ANKRD28: variants seen among roughly 807,000 people sequenced by gnomAD.
The protein encoded by ANKRD28 is ankyrin repeat domain 28.
ANKRD28 carries 44 observed loss-of-function variants against 126.5 expected under a neutral mutation model. The observed-to-expected ratio is 0.35, with a 90% confidence interval of 0.27 to 0.45. The LOEUF (loss-of-function observed/expected upper bound fraction) is 0.45, where lower values mean the gene tolerates loss of function less well. ANKRD28 is among the 20% of genes least tolerant of loss of function. The pLI, the probability that ANKRD28 is intolerant of heterozygous loss-of-function variation, is 1.00. For missense variants in ANKRD28, 1,110 were observed against 1,316.6 expected (o/e 0.84, Z 2.43); for synonymous variants, 442 against 468.5 (o/e 0.94, Z 0.73).
At position 15,830,461 on chromosome 3, in the gene ANKRD28, C is replaced by T. The variant is rs904711346; in HGVS notation, c.27+28916G>A. ...GCAGCATTAGATTCTCATAGGACTG[C>T]CAATCCTATTTTGAATTGCACATCT... On this transcript the variant is annotated intron_variant, in intron 1 of 27. Transcript: ENST00000399451. The surrounding 1 kb of genome is among the most constrained non-coding windows in gnomAD (Gnocchi z 4.5). Among the ~76,000 whole-genome samples, 1 of 152,062 alleles carries T rather than the reference C, an allele frequency of 6.6e-6. No homozygotes were observed. Among genetic ancestry groups the T allele is most frequent in the Non-Finnish European group, 1.5e-5 (1 of 68,014 alleles).
At chr3:15,675,590 T>A (rs569493551) in intron 27 of ANKRD28, among the ~76,000 whole-genome samples, 1 of 152,248 alleles carries the variant, frequency 6.6e-6, no homozygotes, top group African/African-American at 2.4e-5. Context: ...TATTAGTACT[T>A]AACTAGGATC....
chr3:15,785,239 T>G (rs932182726), intron 2 of ANKRD28, among the ~76,000 whole-genome samples: 1 of 152,076 alleles, frequency 6.6e-6, no homozygotes, highest in Non-Finnish European at 1.5e-5. Flanking sequence ...TTCGTTAAAA[T>G]TCAAAAGTTC....
chr3:15,724,840 G>C (rs141071933), intron 6 of ANKRD28, among the ~76,000 whole-genome samples: 4 of 152,236 alleles, frequency 2.6e-5, no homozygotes, highest in African/African-American at 9.6e-5. Context: ...AATTAGCTGG[G>C]TATGGTGGCA....
intron 2 of ANKRD28, among the ~76,000 whole-genome samples, chr3:15,782,067 C>T (rs2059564688): frequency 6.6e-6 from 1 of 152,040 alleles, no homozygotes; most frequent in Admixed American, 6.6e-5. Flanking sequence ...CACTGTATTT[C>T]TAAGTTATGC....
intron 6 of ANKRD28, among the ~76,000 whole-genome samples, chr3:15,726,489 G>A (rs1037773926): frequency 2.6e-5 from 4 of 152,196 alleles, no homozygotes; most frequent in Non-Finnish European, 4.4e-5. Context: ...CGAGAGCAAG[G>A]CCTCAACTTT....
intron 1 of ANKRD28, chr3:15,859,345 G>C (rs916993197): frequency 6.6e-7 from 1 of 1,522,420 alleles, no homozygotes; most frequent in Non-Finnish European, 8.8e-7. Context: ...CTTCCCGGAC[G>C]GCGCGATCCC....
intron 1 of ANKRD28, among the ~76,000 whole-genome samples, chr3:15,848,717 A>G (rs1253518462): frequency 6.6e-6 from 1 of 152,126 alleles, no homozygotes; most frequent in Non-Finnish European, 1.5e-5. Context: ...TCAATAAATT[A>G]GAAATAGGAA....
chr3:15,766,326 GA>G lies in ANKRD28; in HGVS notation c.202-15del. 1 of 1,589,964 alleles carries G rather than the reference GA, an allele frequency of 6.3e-7. No individual in the cohort carries two copies. Among genetic ancestry groups the G allele is most frequent in the Non-Finnish European group, 8.6e-7 (1 of 1,162,230 alleles). On this transcript the variant is annotated splice_polypyrimidine_tract_variant and intron_variant, in intron 2 of 27. Transcript: ENST00000683139. ...CTTTTCATTGTCCTGTGATAATAAG[GA>G]AAGGTGGGAAATAAGTTTTAAAATA...
upstream of ANKRD28, among the ~76,000 whole-genome samples, chr3:15,800,953 A>G (rs1449404070): frequency 6.6e-6 from 1 of 152,134 alleles, no homozygotes; most frequent in East Asian, 1.9e-4. Flanking sequence ...TCTTAAAAGG[A>G]GACAAGTGAA....
At chr3:15,780,577 A>G (rs1236194986) in intron 2 of ANKRD28, among the ~76,000 whole-genome samples, 1 of 152,178 alleles carries the variant, frequency 6.6e-6, no homozygotes, top group Admixed American at 6.6e-5. Context: ...CAACCCTTAA[A>G]TTCATATGAA....
Position 15,797,077 on chromosome 3 carries a change from C to T in ANKRD28, c.-556G>A. On this transcript the variant is annotated 5_prime_UTR_variant, in exon 1 of 28. An upstream start codon of the reference 5' UTR is lost. Coordinates refer to ENST00000683139, the MANE Select transcript of ANKRD28 (RefSeq NM_001349278.2). ...TCTGTTTCCACTTCTAATTTGTCTT[C>T]ATTTCTTCATCACTGGTTTAATGCA... The T allele has an allele frequency of 1.0e-6, 1 of 985,028 alleles. No individual in the cohort carries two copies. Among genetic ancestry groups the T allele is most frequent in the Non-Finnish European group, 1.2e-6 (1 of 829,866 alleles). 61.0% of individuals were successfully genotyped at this position (985,028 alleles called of 1,614,324 possible).
rs1022808275 is a variant in ANKRD28, at chr3:15,668,759, T to C, written c.*1511A>G. 1 of 152,598 alleles carries C rather than the reference T, an allele frequency of 6.6e-6. No individual in the cohort carries two copies. The highest frequency in any genetic ancestry group is 1.5e-5 in the Non-Finnish European group (1 of 67,996). 9.5% of individuals were successfully genotyped at this position (152,598 alleles called of 1,614,324 possible). On this transcript the variant is annotated 3_prime_UTR_variant, in exon 28 of 28. Transcript: ENST00000683139. ...AAAACCCACAAAATTATCAAATAGA[T>C]CAAAATACTGTTCTGTGTTTTCACA...
At chr3:15,741,371 A>G (rs539167010) in intron 4 of ANKRD28, among the ~76,000 whole-genome samples, 139 of 152,346 alleles carry the variant, frequency 9.1e-4, no homozygotes, top group Non-Finnish European at 1.7e-3. Flanking sequence ...ATTCTACATC[A>G]TATTATCAGT....
chr3:15,712,360 T>TA, intron 10 of ANKRD28, 138 bp from the exon 11 acceptor site: 1 of 720,142 alleles, frequency 1.4e-6, no homozygotes, highest in Non-Finnish European at 2.3e-6. Flanking sequence ...GTAATTTGGT[T>TA]AAAGTTTGAT....
In ANKRD28 at chr3:15,833,526, A is replaced by T. The variant is rs1352359919; in HGVS notation, c.27+25851T>A. Among the ~76,000 whole-genome samples, 9 of 147,248 alleles carry T rather than the reference A, an allele frequency of 6.1e-5. No individual in the cohort carries two copies. Among genetic ancestry groups the T allele is most frequent in the Non-Finnish European group, 8.9e-5 (6 of 67,292 alleles). On this transcript the variant is annotated intron_variant, in intron 1 of 27. Coordinates refer to the ANKRD28 transcript ENST00000399451. The surrounding 1 kb of genome is among the most constrained non-coding windows in gnomAD (Gnocchi z 4.4). ...ACATATTATGTACTATATATATATA[A>T]AATATATACATTATTTTTTATATAT...
chr3:15,797,487 G>C lies in ANKRD28; in HGVS notation c.-966C>G. 2.0e-6 allele frequency: 2 copies of C among 984,326 alleles called. No individual in the cohort carries two copies. The highest frequency in any genetic ancestry group is 2.4e-6 in the Non-Finnish European group (2 of 829,810). The allele number at this position is 984,326 out of a possible 1,614,324, so 61.0% of individuals were successfully genotyped here. A position where few individuals can be genotyped will look rare whatever the true frequency, so the allele number is the denominator to read the frequency against. On this transcript the variant is annotated 5_prime_UTR_variant, in exon 1 of 28. Transcript: ENST00000683139. ...ATGGTGTTAGTGGAGAATCCTAGTA[G>C]AACAAGCAGGCTGTGAAGGAATTAG...
At chr3:15,834,353 C>CTGGTTGTAGG (rs1211420262) in intron 1 of ANKRD28, among the ~76,000 whole-genome samples, 4 of 151,984 alleles carry the variant, frequency 2.6e-5, no homozygotes, top group Non-Finnish European at 5.9e-5. Flanking sequence ...TGATGATTAG[C>CTGGTTGTAGG]TGGTTGTAGG....
At chr3:15,771,229 G>C (rs1056419227) in intron 2 of ANKRD28, among the ~76,000 whole-genome samples, 1 of 152,054 alleles carries the variant, frequency 6.6e-6, no homozygotes, top group Non-Finnish European at 1.5e-5. Flanking sequence ...GGCCAACATG[G>C]TGAAACACTA....
intron 4 of ANKRD28, among the ~76,000 whole-genome samples, chr3:15,748,095 T>C (rs1238615525): frequency 6.6e-6 from 1 of 152,208 alleles, no homozygotes; most frequent in Non-Finnish European, 1.5e-5. Flanking sequence ...TACTCTTAGG[T>C]GAGTCTACTG....
Sources: allele counts gnomAD v4.1 joint callset (sites outside exome capture counted in the v4.1 genomes callset), GRCh38; gene constraint gnomAD v4.1.1; non-coding constraint Gnocchi (gnomAD v3.1); transcripts MANE v1.5; gene names NCBI Gene and HGNC (gene_info 2026-07-23, HGNC 2026-07-21).